The following IGSF11 variants were observed in gnomAD, a reference collection of about 807,000 sequenced individuals.
The protein encoded by IGSF11 is immunoglobulin superfamily member 11.
IGSF11 carries 22 observed loss-of-function variants against 41.0 expected under a neutral mutation model. The ratio of observed to expected loss-of-function variants is 0.54; its 90% CI spans 0.38 to 0.77. IGSF11 has a LOEUF of 0.77. Among genes scored for constraint, IGSF11 ranks in the 30% least tolerant of loss-of-function variants. The probability of loss-of-function intolerance (pLI) is 0.00; values close to 1 mark genes in which losing one functional copy is unlikely to be tolerated. For missense variants in IGSF11, 444 were observed against 530.8 expected, an observed-to-expected ratio of 0.84 and a Z score of 1.61; for synonymous variants, 219 against 201.3, an observed-to-expected ratio of 1.09 and a Z score of -0.74.
intron 1 of IGSF11, among the ~76,000 whole-genome samples, chr3:119,029,483 A>G (rs1436313477): frequency 6.6e-6 from 1 of 152,172 alleles, no homozygotes; most frequent in East Asian, 1.9e-4. Flanking sequence ...GTAAATATCA[A>G]TCCTTGAAAT....
chr3:119,067,650 C>T (rs1447278112), intron 1 of IGSF11, among the ~76,000 whole-genome samples: 1 of 152,094 alleles, frequency 6.6e-6, no homozygotes, highest in Non-Finnish European at 1.5e-5. Context: ...TTTTTTTAGA[C>T]ATGCATCTAA....
intron 1 of IGSF11, among the ~76,000 whole-genome samples, chr3:119,064,012 G>A (rs1942139947): frequency 6.6e-6 from 1 of 152,114 alleles, no homozygotes; most frequent in Admixed American, 6.6e-5. Context: ...CCATTATAGT[G>A]GTCCAGAAAG....
chr3:118,966,479 T>C (rs1039567384), intron 1 of IGSF11, among the ~76,000 whole-genome samples: 13 of 152,172 alleles, frequency 8.5e-5, no homozygotes, highest in African/African-American at 3.1e-4. Context: ...AAGCTAAATA[T>C]CAGAAAAGTA....
At chr3:118,908,922 T>C (rs1939931078) in intron 4 of IGSF11, among the ~76,000 whole-genome samples, 1 of 152,200 alleles carries the variant, frequency 6.6e-6, no homozygotes, top group South Asian at 2.1e-4. Context: ...GTGTTCCCTG[T>C]TCTTCATCTA....
At chr3:118,959,926 C>G (rs1384635946) in intron 1 of IGSF11, among the ~76,000 whole-genome samples, 1 of 151,816 alleles carries the variant, frequency 6.6e-6, no homozygotes, top group African/African-American at 2.4e-5. Flanking sequence ...GCGCCTGTAG[C>G]CCCAGCTACT....
chr3:119,068,271 A>C (rs1942293615), intron 1 of IGSF11, among the ~76,000 whole-genome samples: 1 of 152,216 alleles, frequency 6.6e-6, no homozygotes, highest in African/African-American at 2.4e-5. Flanking sequence ...TCATTGACCC[A>C]AACCATATTA....
At chr3:119,008,273 A>C (rs1328484412) in intron 1 of IGSF11, among the ~76,000 whole-genome samples, 2 of 152,234 alleles carry the variant, frequency 1.3e-5, no homozygotes, top group Non-Finnish European at 2.9e-5. Flanking sequence ...GAATATACCA[A>C]GAGATCATCC....
chr3:119,019,423 G>C (rs1939071273), intron 1 of IGSF11, among the ~76,000 whole-genome samples: 1 of 149,142 alleles, frequency 6.7e-6, no homozygotes, highest in Non-Finnish European at 1.5e-5. Flanking sequence ...AAGATGATTA[G>C]ATTGGACTGA....
At chr3:119,065,401 T>C (rs1259907746) in intron 1 of IGSF11, among the ~76,000 whole-genome samples, 4 of 152,230 alleles carry the variant, frequency 2.6e-5, no homozygotes, top group Admixed American at 6.5e-5. Context: ...TTGGATTTTT[T>C]TAATGTATCT....
At chr3:119,048,610 C>G (rs1203288226) in intron 1 of IGSF11, among the ~76,000 whole-genome samples, 10 of 151,900 alleles carry the variant, frequency 6.6e-5, no homozygotes, top group Admixed American at 6.6e-4. Context: ...CTATTCCAAT[C>G]AATAGAAAAA....
At chr3:118,990,890 G>A (rs1935733509) in intron 1 of IGSF11, among the ~76,000 whole-genome samples, 1 of 152,160 alleles carries the variant, frequency 6.6e-6, no homozygotes, top group South Asian at 2.1e-4. Flanking sequence ...AGGTAGGAAG[G>A]GAGAGTTCCT....
intron 3 of IGSF11, among the ~76,000 whole-genome samples, chr3:118,927,082 A>C (rs1451580548): frequency 6.6e-6 from 1 of 152,096 alleles, no homozygotes; most frequent in African/African-American, 2.4e-5. Context: ...TATACACAGG[A>C]ATCAGGAAAA....
Position 118,952,913 on chromosome 3 carries a change from T to C in IGSF11, c.53-22638A>G, listed in dbSNP as rs149350062. 7.8e-3 allele frequency among the ~76,000 whole-genome samples: 1,181 copies of C among 152,266 alleles called. 11 individuals carry two copies. Among genetic ancestry groups the C allele is most frequent in the Non-Finnish European group, 0.012 (828 of 67,998 alleles). On this transcript the variant is annotated intron_variant, in intron 1 of 6. Coordinates refer to ENST00000393775, the MANE Select transcript of IGSF11 (RefSeq NM_001015887.3). ...AAATTATTTTTTAACTTTTTTTTAT[T>C]TCCATAGGTTTTTGGGGAACAGGTG...
chr3:119,025,602 T>C (rs960465165), intron 1 of IGSF11, among the ~76,000 whole-genome samples: 10 of 152,022 alleles, frequency 6.6e-5, no homozygotes, highest in African/African-American at 2.4e-4. Context: ...CTCAAAGTCA[T>C]AGGACAAAGA....
intron 1 of IGSF11, among the ~76,000 whole-genome samples, chr3:119,113,014 C>T (rs1277533060): frequency 6.6e-6 from 1 of 152,160 alleles, no homozygotes; most frequent in Non-Finnish European, 1.5e-5. Flanking sequence ...AGGTGCTACA[C>T]ACTTTTAAAC....
chr3:119,006,284 G>A (rs1186748493), intron 1 of IGSF11, among the ~76,000 whole-genome samples: 82 of 110,634 alleles, frequency 7.4e-4, no homozygotes, highest in African/African-American at 3.7e-3. Flanking sequence ...CATTCTTCAC[G>A]TAGTTCTCGA....
chr3:118,991,067 T>C (rs181716265), intron 1 of IGSF11, among the ~76,000 whole-genome samples: 132 of 152,252 alleles, frequency 8.7e-4, no homozygotes, highest in Middle Eastern at 3.4e-3. Flanking sequence ...GAATTGCATC[T>C]CCTAAAAATA....
intron 1 of IGSF11, chr3:118,949,447 C>T (rs890241692): frequency 2.0e-5 from 3 of 151,888 alleles, no homozygotes; most frequent in Admixed American, 2.0e-4. Context: ...CATATACAGA[C>T]ACAAAAACCA....
chr3:119,054,669 C>A (rs1156694130), intron 1 of IGSF11, among the ~76,000 whole-genome samples: 1 of 152,164 alleles, frequency 6.6e-6, no homozygotes, highest in Non-Finnish European at 1.5e-5. Context: ...ATGCAGCAAT[C>A]CTACTACTGG....
Sources: gnomAD v4.1 joint callset for allele counts (sites outside exome capture counted in the v4.1 genomes callset) on GRCh38, gnomAD v4.1.1 for gene constraint, MANE v1.5 for transcripts, NCBI Gene and HGNC (gene_info 2026-07-23, HGNC 2026-07-21) for gene names.